The following KCNT2 variants were observed in gnomAD, a reference collection of about 807,000 sequenced individuals.
KCNT2 encodes potassium sodium-activated channel subfamily T member 2, also known as potassium channel subfamily T member 2.
KCNT2 carries 67 observed loss-of-function variants against 153.8 expected under a neutral mutation model. That is an observed-to-expected ratio of 0.44 (90% CI 0.36 to 0.53). KCNT2 has a LOEUF of 0.53. Ranked by LOEUF, KCNT2 falls within the 20% of genes least tolerant of loss-of-function variation. The pLI is 0.00. For missense variants in KCNT2, 975 were observed against 1,354.8 expected (o/e 0.72, Z 4.40); for synonymous variants, 500 against 458.8 (o/e 1.09, Z -1.15).
intron 1 of KCNT2, among the ~76,000 whole-genome samples, chr1:196,573,686 A>G (rs1388928988): frequency 5.9e-5 from 9 of 152,002 alleles, no homozygotes. Context: ...AGGGAGAGAG[A>G]AAGAGGAGGG....
chr1:196,392,536 A>G (rs1011824433), intron 13 of KCNT2, among the ~76,000 whole-genome samples: 2 of 151,480 alleles, frequency 1.3e-5, no homozygotes, highest in African/African-American at 4.8e-5. Flanking sequence ...TGAAAAACTC[A>G]CACTTTACCA....
At chr1:196,278,416 G>A (rs543395257) in intron 25 of KCNT2, among the ~76,000 whole-genome samples, 1 of 152,224 alleles carries the variant, frequency 6.6e-6, no homozygotes, top group East Asian at 1.9e-4. Context: ...AGAAAAACAA[G>A]AGGCATTATT....
At chr1:196,422,466 T>A (rs1224899516) in intron 12 of KCNT2, among the ~76,000 whole-genome samples, 1 of 151,938 alleles carries the variant, frequency 6.6e-6, no homozygotes, top group African/African-American at 2.4e-5. Flanking sequence ...AAATTTTAAA[T>A]ATAATTTATA....
chr1:196,522,455 T>C (rs1653563843), intron 1 of KCNT2, among the ~76,000 whole-genome samples: 1 of 152,220 alleles, frequency 6.6e-6, no homozygotes, highest in Non-Finnish European at 1.5e-5. Flanking sequence ...CATTAAACCT[T>C]ACATTTTTAT....
At chr1:196,229,799 A>G (rs1353016628) in intron 27 of KCNT2, among the ~76,000 whole-genome samples, 1 of 152,134 alleles carries the variant, frequency 6.6e-6, no homozygotes, top group African/African-American at 2.4e-5. Context: ...CAGCTACAAC[A>G]TTCCCTTAAT....
At chr1:196,301,044 A>C (rs1018417120) in intron 22 of KCNT2, among the ~76,000 whole-genome samples, 1 of 152,028 alleles carries the variant, frequency 6.6e-6, no homozygotes, top group Non-Finnish European at 1.5e-5. Context: ...GAAAACAATT[A>C]CTCTGGTCTC....
At chr1:196,373,358 T>C in intron 13 of KCNT2, 110 bp from the exon 14 acceptor site, 3 of 620,920 alleles carry the variant, frequency 4.8e-6, no homozygotes, top group Admixed American at 5.6e-5. Flanking sequence ...ATAAACATAC[T>C]TGTTTTAGAG....
At chr1:196,493,432 T>C (rs1163971538) in intron 1 of KCNT2, among the ~76,000 whole-genome samples, 3 of 151,990 alleles carry the variant, frequency 2.0e-5, no homozygotes, top group African/African-American at 7.2e-5. Context: ...AAGCTGCTCA[T>C]GCATTTGAGA....
intron 22 of KCNT2, among the ~76,000 whole-genome samples, chr1:196,299,686 C>A (rs577350010): frequency 6.6e-6 from 1 of 152,192 alleles, no homozygotes; most frequent in Admixed American, 6.5e-5. Flanking sequence ...TTATGGACAA[C>A]AAAATGAAGA....
At chr1:196,505,487 C>T (rs1365085582) in intron 1 of KCNT2, among the ~76,000 whole-genome samples, 9 of 149,318 alleles carry the variant, frequency 6.0e-5, no homozygotes, top group African/African-American at 2.0e-4. Flanking sequence ...GTTACTGTAG[C>T]CTTGTAGTAT....
intron 4 of KCNT2, among the ~76,000 whole-genome samples, chr1:196,479,656 C>A (rs1490075020): frequency 1.3e-5 from 2 of 152,074 alleles, no homozygotes; most frequent in African/African-American, 4.8e-5. Context: ...AGCAATCCAC[C>A]CTACTCAGCA....
chr1:196,433,610 A>T (rs902711532), intron 8 of KCNT2, among the ~76,000 whole-genome samples: 8 of 152,098 alleles, frequency 5.3e-5, no homozygotes, highest in African/African-American at 1.9e-4. Flanking sequence ...TGTCCCCATA[A>T]AGCTATTTTA....
chr1:196,280,841 T>C lies in KCNT2; in HGVS notation c.2910+19A>G. 5 of 1,605,442 alleles carry C rather than the reference T, an allele frequency of 3.1e-6. No homozygotes were observed. Among genetic ancestry groups the C allele is most frequent in the Non-Finnish European group, 3.4e-6 (4 of 1,172,782 alleles). On this transcript the variant is annotated intron_variant, in intron 25 of 27. Transcript: ENST00000294725. Reference sequence around the variant, plus strand: ...ATCAGATTAAACATCAAAACAAGAATATTTTGTTATTTCCAAACCTCAGAT... The same window carrying C: ...ATCAGATTAAACATCAAAACAAGAACATTTTGTTATTTCCAAACCTCAGAT...
At chr1:196,540,858 A>G (rs974592746) in intron 1 of KCNT2, among the ~76,000 whole-genome samples, 4 of 152,088 alleles carry the variant, frequency 2.6e-5, no homozygotes, top group Admixed American at 6.6e-5. Flanking sequence ...TAAGGTCAGG[A>G]GATCGAGACC....
chr1:196,425,757 C>T (rs1558274980), intron 11 of KCNT2, 95 bp downstream of exon 11: 2 of 1,285,006 alleles, frequency 1.6e-6, no homozygotes, highest in Non-Finnish European at 2.2e-6. Context: ...TTTAACACAT[C>T]TTGCAACACT....
At chr1:196,233,666 A>C (rs534785203) in intron 27 of KCNT2, among the ~76,000 whole-genome samples, 1 of 151,592 alleles carries the variant, frequency 6.6e-6, no homozygotes, top group African/African-American at 2.4e-5. Context: ...TGGATGAAGA[A>C]AATTTGTGGT....
At position 196,280,919 on chromosome 1, in the gene KCNT2, T is replaced by C. The variant is rs774420609; in HGVS notation, c.2851A>G (p.Thr951Ala). 2 of 1,609,756 alleles carry C rather than the reference T, an allele frequency of 1.2e-6. No individual in the cohort carries two copies. Among genetic ancestry groups the C allele is most frequent in the South Asian group, 2.2e-5 (2 of 91,008 alleles). ...TAGATTCCAATGGGAACATCTCCAG[T>C]AGAAGAACACAACTTCTGATAAAGT... ...ARLYQKLCSS[T>A]GDVPIGIYRT... is the part of the protein sequence containing the mutation. The change falls in exon 25 of 28, where the codon ACT (threonine) becomes GCT (alanine). Residue 951 changes from threonine (T) to alanine (A), a missense_variant. Around this residue, in one of 6 missense-constraint regions of KCNT2, gnomAD observed 241 missense variants for 271.1 expected, o/e 0.89. Coordinates refer to ENST00000294725, the MANE Select transcript of KCNT2 (RefSeq NM_198503.5).
chr1:196,437,724 C>G (rs931396783), intron 8 of KCNT2, among the ~76,000 whole-genome samples: 1 of 150,826 alleles, frequency 6.6e-6, no homozygotes, highest in Non-Finnish European at 1.5e-5. Context: ...TTTATGTACA[C>G]TAACAGGTGC....
At chr1:196,286,675 T>C (rs1385812358) in intron 22 of KCNT2, among the ~76,000 whole-genome samples, 3 of 151,706 alleles carry the variant, frequency 2.0e-5, no homozygotes, top group Non-Finnish European at 4.4e-5. Context: ...GTTGTTTATG[T>C]ATGTTTGAAT....
Sources: allele counts gnomAD v4.1 joint callset (sites outside exome capture counted in the v4.1 genomes callset), GRCh38; gene constraint gnomAD v4.1.1; regional missense constraint gnomAD v4.1.1; transcripts MANE v1.5; gene names NCBI Gene and HGNC (gene_info 2026-07-23, HGNC 2026-07-21).